TJP1: variants seen among roughly 807,000 people sequenced by gnomAD.
TJP1 encodes tight junction protein 1, also known as tight junction protein ZO-1.
TJP1 carries 43 observed loss-of-function variants against 194.2 expected under a neutral mutation model. The observed-to-expected ratio is 0.22, with a 90% CI of 0.17 to 0.29. The LOEUF is 0.29. TJP1 is among the 10% of genes least tolerant of loss of function. TJP1 has a pLI of 1.00. For missense variants in TJP1, 1,971 were observed against 2,185.7 expected, an observed-to-expected ratio of 0.90 and a Z score of 1.96; for synonymous variants, 801 against 779.0, an observed-to-expected ratio of 1.03 and a Z score of -0.47.
At chr15:29,762,761 T>C (rs2046089235) in intron 5 of TJP1, among the ~76,000 whole-genome samples, 1 of 152,114 alleles carries the variant, frequency 6.6e-6, no homozygotes, top group Non-Finnish European at 1.5e-5. Flanking sequence ...TTCAGAATGA[T>C]TAAGGAATAC....
rs7165948 is a variant in TJP1, at chr15:29,722,192, A to G, written c.2413-1484T>C. ...GGACAGAATATTAACAGACAAAACA[A>G]TGGGGGAAAATGTCTCCAGGGCATT... On this transcript the variant is annotated intron_variant, in intron 18 of 27. Transcript: ENST00000614355. Among the ~76,000 whole-genome samples the G allele has an allele frequency of 6.1e-3, 928 of 152,320 alleles. 9 individuals are homozygous for G. The highest frequency in any genetic ancestry group is 0.021 in the African/African-American group (879 of 41,584).
chr15:29,727,090 T>G, intron 16 of TJP1, 99 bp from the exon 17 acceptor site: 5 of 1,064,662 alleles, frequency 4.7e-6, no homozygotes, highest in Non-Finnish European at 5.5e-6. Context: ...ACGCCTATAA[T>G]CCTAGCACTT....
At chr15:29,748,708 G>T (rs2044998267) in intron 8 of TJP1, among the ~76,000 whole-genome samples, 1 of 151,280 alleles carries the variant, frequency 6.6e-6, no homozygotes, top group Non-Finnish European at 1.5e-5. Flanking sequence ...AGAGTAGCTG[G>T]ACTACAGATG....
intron 2 of TJP1, among the ~76,000 whole-genome samples, chr15:29,778,213 G>A (rs1039986274): frequency 6.6e-6 from 1 of 151,892 alleles, no homozygotes; most frequent in African/African-American, 2.4e-5. Context: ...GGAGCCCTGC[G>A]ACTTCTTACC....
intron 2 of TJP1, among the ~76,000 whole-genome samples, chr15:29,775,642 C>T (rs1430428698): frequency 6.6e-6 from 1 of 151,902 alleles, no homozygotes; most frequent in Non-Finnish European, 1.5e-5. Flanking sequence ...AAACCATACA[C>T]TCATCATAAT....
rs140535675 is a variant in TJP1 at position 29,802,541 on chromosome 15, A to C, written c.28-1839T>G. On this transcript the variant is annotated intron_variant, in intron 1 of 27. Coordinates refer to ENST00000614355, the MANE Select transcript of TJP1 (RefSeq NM_001330239.4). ...ATGAAGTGCACCAAAACCTCCCTTTAATGAGACCTCCACTGGAAACAAAGC... is the reference window on the plus strand; with the variant it reads ...ATGAAGTGCACCAAAACCTCCCTTTCATGAGACCTCCACTGGAAACAAAGC... Among the ~76,000 whole-genome samples, 4 of 151,968 alleles carry C rather than the reference A, an allele frequency of 2.6e-5. No individual in the cohort carries two copies. The East Asian group carries it at 7.7e-4, about 29-fold the overall frequency.
rs773684697 is a variant in TJP1 at position 29,778,089 on chromosome 15, C to T, written c.85-4732G>A. Among the ~76,000 whole-genome samples the T allele has an allele frequency of 5.1e-4, 78 of 152,030 alleles. 1 individual carries two copies. The highest frequency in any genetic ancestry group is 1.9e-3 in the African/African-American group (77 of 41,472). On this transcript the variant is annotated intron_variant, in intron 2 of 27. Transcript: ENST00000614355. The stretch of plus-strand genomic sequence containing the variant: ...ACTTTCAATAAGCAAGGCAGGGATG[C>T]GAGCATACATTTAAAAAAATTACTT...
chr15:29,741,732 A>G (rs558207796), intron 9 of TJP1, among the ~76,000 whole-genome samples: 106 of 152,336 alleles, frequency 7.0e-4, no homozygotes, highest in African/African-American at 2.4e-3. Flanking sequence ...TTCCCAGTTA[A>G]GACTGCCAAA....
chr15:29,948,351 T>G (rs1336045741), intron 2 of TJP1, among the ~76,000 whole-genome samples: 1 of 152,230 alleles, frequency 6.6e-6, no homozygotes, highest in Admixed American at 6.5e-5. Context: ...CTAAACAGTC[T>G]TACCTTATTA....
chr15:29,732,371 AACTC>A (rs1340296380), intron 15 of TJP1, 58 bp downstream of exon 15: 2 of 1,316,240 alleles, frequency 1.5e-6, no homozygotes, highest in South Asian at 2.5e-5. Context: ...AGTGAATCAG[AACTC>A]ACTCACTTTA....
rs1441873200 is a variant in TJP1 at position 29,742,098 on chromosome 15, C to A, written c.1150+544G>T. Among the ~76,000 whole-genome samples the A allele has an allele frequency of 3.9e-5, 6 of 152,022 alleles. No homozygotes were observed. The South Asian group carries it at 6.2e-4, about 16-fold the overall frequency. ...AAAACAAAGAAAACCCACAAAAAAACCCCAGAAAACCCAAAATAGCCAGGT... is the reference window on the plus strand; with the variant it reads ...AAAACAAAGAAAACCCACAAAAAAAACCCAGAAAACCCAAAATAGCCAGGT... On this transcript the variant is annotated intron_variant, in intron 9 of 27. Transcript: ENST00000614355.
At chr15:29,921,857 T>TTTTTTCC (rs2054372518) in intron 2 of TJP1, among the ~76,000 whole-genome samples, 1 of 151,664 alleles carries the variant, frequency 6.6e-6, no homozygotes. Context: ...CTTTTTTTTT[T>TTTTTTCC]CTCCATGACG....
At position 29,708,570 on chromosome 15, in the gene TJP1, A is replaced by G; in HGVS notation, c.4839T>C (p.Ala1613=). 1 of 1,605,812 alleles carries G rather than the reference A, an allele frequency of 6.2e-7. No individual in the cohort carries two copies. Among genetic ancestry groups the G allele is most frequent in the South Asian group, 1.1e-5 (1 of 90,924 alleles). Residue 1613 remains alanine, a synonymous_variant, in exon 25 of 28, where the codon GCT becomes GCC. Coordinates refer to ENST00000614355, the MANE Select transcript of TJP1 (RefSeq NM_001330239.4). ...QINNISTVPK[A]IPVSPSAVEE... ...GGCATAAGTCTTACCTCACAGGAATAGCTTTAGGCACTGTGCTGATATTAT... is the reference window on the plus strand; with the variant it reads ...GGCATAAGTCTTACCTCACAGGAATGGCTTTAGGCACTGTGCTGATATTAT...
chr15:29,912,721 A>AAAAAAAAAAAAAAAAAC, intron 2 of TJP1, among the ~76,000 whole-genome samples: 1 of 147,964 alleles, frequency 6.8e-6, no homozygotes, highest in African/African-American at 2.5e-5. Context: ...AAAAAAAAAA[A>AAAAAAAAAAAAAAAAAC]AAGAGGGAGC....
intron 2 of TJP1, among the ~76,000 whole-genome samples, chr15:29,786,613 C>T (rs2047716306): frequency 6.6e-6 from 1 of 152,128 alleles, no homozygotes; most frequent in African/African-American, 2.4e-5. Context: ...GATCCTATCG[C>T]CTCAGCCTCC....
chr15:29,761,952 T>C lies in TJP1; in HGVS notation c.694-183A>G, dbSNP rs929038907. ...AGATGATAAAATCTTTACTGTACTG[T>C]TGCTGTCAGAAAAACCCATAGTAGC... is the stretch of plus-strand genomic sequence containing the variant. On this transcript the variant is annotated intron_variant, in intron 6 of 27. Transcript: ENST00000614355. 2.2e-4 allele frequency among the ~76,000 whole-genome samples: 33 copies of C among 152,216 alleles called. No individual in the cohort carries two copies. The highest frequency in any genetic ancestry group is 2.6e-4 in the Admixed American group (4 of 15,282).
chr15:29,751,179 A>G (rs1019629237), intron 8 of TJP1, among the ~76,000 whole-genome samples: 1 of 152,242 alleles, frequency 6.6e-6, no homozygotes, highest in Non-Finnish European at 1.5e-5. Context: ...CAAGAGATAC[A>G]GGGCTGGTAC....
chr15:29,759,490 T>A (rs1023707707), intron 8 of TJP1: 5 of 152,186 alleles, frequency 3.3e-5, no homozygotes, highest in African/African-American at 1.2e-4. Flanking sequence ...GTCAAAAGAA[T>A]GCCTTAAGAT....
At chr15:29,711,085 G>GT (rs780576098) in intron 23 of TJP1, 85 bp from the exon 24 acceptor site, 2 of 1,375,980 alleles carry the variant, frequency 1.5e-6, no homozygotes, top group Non-Finnish European at 1.9e-6. Context: ...GTATCTCTAA[G>GT]TTAAAAAAAA....
Sources: gnomAD v4.1 joint callset for allele counts (sites outside exome capture counted in the v4.1 genomes callset) on GRCh38, gnomAD v4.1.1 for gene constraint, MANE v1.5 for transcripts, NCBI Gene and HGNC (gene_info 2026-07-23, HGNC 2026-07-21) for gene names.